DOCK4: variants seen among roughly 807,000 people sequenced by gnomAD.
The protein encoded by DOCK4 is dedicator of cytokinesis protein 4.
DOCK4 carries 97 observed loss-of-function variants against 268.1 expected under a neutral mutation model. That is an observed-to-expected ratio of 0.36 (90% confidence interval 0.31 to 0.43). The LOEUF (loss-of-function observed/expected upper bound fraction) is 0.43. Among genes scored for constraint, DOCK4 ranks in the 20% least tolerant of loss-of-function variants. The pLI is 1.00. For synonymous variants in DOCK4, 954 were observed against 887.2 expected, an observed-to-expected ratio of 1.08 and a Z score of -1.34; for missense variants, 2,145 against 2,455.7, an observed-to-expected ratio of 0.87 and a Z score of 2.67.
chr7:112,000,015 A>C lies in DOCK4; in HGVS notation c.162+479T>G, dbSNP rs146569286. ...TTAATTTCTGCCTGAAATGGTAAGA[A>C]AGATGGGTTTTTTAATAATATTGTT... On this transcript the variant is annotated intron_variant, in intron 3 of 52. Transcript: ENST00000428084. 5.3e-3 allele frequency among the ~76,000 whole-genome samples: 814 copies of C among 152,228 alleles called. 5 individuals are homozygous for C. Among genetic ancestry groups the C allele is most frequent in the Non-Finnish European group, 8.7e-3 (594 of 67,960 alleles).
At chr7:111,904,064 G>A (rs1224527113) in intron 13 of DOCK4, among the ~76,000 whole-genome samples, 1 of 152,204 alleles carries the variant, frequency 6.6e-6, no homozygotes, top group Non-Finnish European at 1.5e-5. Context: ...CTGCTGGAAG[G>A]ACGTGGCCTC....
At chr7:112,192,492 T>C (rs1470928176) in intron 1 of DOCK4, among the ~76,000 whole-genome samples, 3 of 152,214 alleles carry the variant, frequency 2.0e-5, no homozygotes, top group Non-Finnish European at 4.4e-5. Context: ...CTCAGGGCTG[T>C]TTCTTCAGGT....
intron 1 of DOCK4, among the ~76,000 whole-genome samples, chr7:112,084,097 A>G (rs1808839049): frequency 6.6e-6 from 1 of 152,194 alleles, no homozygotes; most frequent in African/African-American, 2.4e-5. Flanking sequence ...AGCTTAATCC[A>G]CAGTGAGGAC....
At chr7:111,953,246 T>G (rs934636174) in intron 8 of DOCK4, among the ~76,000 whole-genome samples, 5 of 150,016 alleles carry the variant, frequency 3.3e-5, no homozygotes, top group African/African-American at 1.2e-4. Flanking sequence ...TTGAAGAGTG[T>G]GAGGATAACA....
intron 1 of DOCK4, among the ~76,000 whole-genome samples, chr7:112,077,364 A>G (rs1350324313): frequency 6.6e-6 from 1 of 152,152 alleles, no homozygotes; most frequent in Non-Finnish European, 1.5e-5. Context: ...ACTATGGGAA[A>G]GACATCATAT....
chr7:112,189,750 T>TC (rs1554475275), intron 1 of DOCK4, among the ~76,000 whole-genome samples: 2 of 123,684 alleles, frequency 1.6e-5, no homozygotes, highest in Non-Finnish European at 3.1e-5. Context: ...GGTTTTGTTT[T>TC]TTTTTTTTTT....
intron 22 of DOCK4, among the ~76,000 whole-genome samples, chr7:111,865,493 C>A (rs1039222646): frequency 1.3e-5 from 2 of 152,170 alleles, no homozygotes; most frequent in Non-Finnish European, 2.9e-5. Flanking sequence ...TATAAGGCAG[C>A]CTAATAGTAA....
At chr7:111,971,906 C>T in intron 8 of DOCK4, 1 of 180,224 alleles carries the variant, frequency 5.5e-6, no homozygotes, top group Non-Finnish European at 1.2e-5. Context: ...ATTCTTAGGC[C>T]TTTTCTCAAA....
intron 12 of DOCK4, 43 bp downstream of exon 12, chr7:111,935,497 G>A: frequency 2.6e-6 from 4 of 1,565,636 alleles, no homozygotes; most frequent in Non-Finnish European, 2.6e-6. Flanking sequence ...AAAAGGGCTT[G>A]GAACGAAAAG....
chr7:112,139,875 T>C lies in DOCK4; in HGVS notation c.37+66227A>G, dbSNP rs531158463. Among the ~76,000 whole-genome samples the C allele has an allele frequency of 9.2e-5, 14 of 152,250 alleles. 1 individual carries two copies. The highest frequency in any genetic ancestry group is 1.9e-4 in the Non-Finnish European group (13 of 68,004). ...TCACTGAATAAAGAGTGGATGTTAG[T>C]TGAAGAAAAAGCAGAAGAATCAAGG... On this transcript the variant is annotated intron_variant, in intron 1 of 52. Transcript: ENST00000428084.
chr7:111,885,322 G>A (rs1281266392), intron 16 of DOCK4, among the ~76,000 whole-genome samples: 3 of 152,098 alleles, frequency 2.0e-5, no homozygotes, highest in Non-Finnish European at 4.4e-5. Context: ...GGTTAAATAC[G>A]GATCATTTGC....
Position 112,130,983 on chromosome 7 carries a change from T to C in DOCK4, c.37+75119A>G, listed in dbSNP as rs73715474. 3.4e-3 allele frequency among the ~76,000 whole-genome samples: 513 copies of C among 152,244 alleles called. 3 individuals carry two copies. Among genetic ancestry groups the C allele is most frequent in the African/African-American group, 0.012 (478 of 41,550 alleles). On this transcript the variant is annotated intron_variant, in intron 1 of 52. Coordinates refer to ENST00000428084, the MANE Select transcript of DOCK4 (RefSeq NM_001363540.2). ...GACTTCCAGTATTTTAGACAATAAATAGGGTCATTTCTCACAATGGTCAAG... is the reference window on the plus strand; with the variant it reads ...GACTTCCAGTATTTTAGACAATAAACAGGGTCATTTCTCACAATGGTCAAG...
chr7:111,778,224 C>A, intron 36 of DOCK4, 52 bp downstream of exon 36: 2 of 1,269,360 alleles, frequency 1.6e-6, no homozygotes, highest in South Asian at 2.5e-5. Flanking sequence ...GAGGAATGAT[C>A]ATGATTAATA....
intron 8 of DOCK4, among the ~76,000 whole-genome samples, chr7:111,953,037 G>T (rs1478765136): frequency 6.6e-6 from 1 of 151,966 alleles, no homozygotes; most frequent in Non-Finnish European, 1.5e-5. Flanking sequence ...ATCAGCCTGG[G>T]CAACAGGGTG....
intron 13 of DOCK4, among the ~76,000 whole-genome samples, chr7:111,911,965 G>A (rs986427742): frequency 1.3e-5 from 2 of 152,136 alleles, no homozygotes; most frequent in African/African-American, 4.8e-5. Context: ...CAAGTAAACA[G>A]TTCTATAAAC....
Position 111,864,783 on chromosome 7 carries a change from G to A in DOCK4, c.2281-1219C>T, listed in dbSNP as rs140524197. On this transcript the variant is annotated intron_variant, in intron 22 of 52. Transcript: ENST00000428084. The stretch of plus-strand genomic sequence containing the variant: ...ATTTATATAACCTTCACGTCACCCT[G>A]CAGAGCTGAGTCATACTGATGAAGT... Among the ~76,000 whole-genome samples, 126 of 152,248 alleles carry A rather than the reference G, an allele frequency of 8.3e-4. 1 individual carries two copies. The East Asian group carries it at 0.019, about 23-fold the overall frequency.
intron 1 of DOCK4, among the ~76,000 whole-genome samples, chr7:112,019,991 T>C (rs1431531290): frequency 6.6e-6 from 1 of 152,194 alleles, no homozygotes; most frequent in Non-Finnish European, 1.5e-5. Context: ...CAATTTACAA[T>C]TGGAGCTGCA....
chr7:112,195,148 G>T (rs1293564319), intron 1 of DOCK4, among the ~76,000 whole-genome samples: 1 of 152,054 alleles, frequency 6.6e-6, no homozygotes, highest in Non-Finnish European at 1.5e-5. Flanking sequence ...GCACAGTGGT[G>T]GGCACCTATA....
intron 13 of DOCK4, among the ~76,000 whole-genome samples, chr7:111,910,165 A>AGAAAATTTTGCCTG (rs1791973979): frequency 6.6e-6 from 1 of 152,212 alleles, no homozygotes; most frequent in Non-Finnish European, 1.5e-5. Flanking sequence ...ATGGAGGCAA[A>AGAAAATTTTGCCTG]GAAAATTTTG....
Sources: allele counts gnomAD v4.1 joint callset (sites outside exome capture counted in the v4.1 genomes callset), GRCh38; gene constraint gnomAD v4.1.1; transcripts MANE v1.5; gene names NCBI Gene and HGNC (gene_info 2026-07-23, HGNC 2026-07-21).